Variants in COL26A1 observed in about 807,000 individuals in gnomAD.
COL26A1 encodes collagen alpha-1(XXVI) chain.
A neutral mutation model predicts 59.3 loss-of-function variants in COL26A1; 41 were observed. That is an observed-to-expected ratio of 0.69 (90% CI 0.54 to 0.90). COL26A1 has a LOEUF of 0.90. COL26A1 is among the 40% of genes least tolerant of loss of function. The probability of loss-of-function intolerance (pLI) is 0.00; values close to 1 mark genes in which losing one functional copy is unlikely to be tolerated. For synonymous variants in COL26A1, 266 were observed against 256.0 expected, an observed-to-expected ratio of 1.04 and a Z score of -0.37; for missense variants, 612 against 602.3, an observed-to-expected ratio of 1.02 and a Z score of -0.17.
chr7:101,496,205 ACTC>A (rs1397351391), intron 3 of COL26A1, among the ~76,000 whole-genome samples: 1 of 152,182 alleles, frequency 6.6e-6, no homozygotes, highest in Non-Finnish European at 1.5e-5. Context: ...AGAGTGGAGA[ACTC>A]CTACTGGTCA....
intron 3 of COL26A1, among the ~76,000 whole-genome samples, chr7:101,487,066 A>G (rs2130509069): frequency 6.6e-6 from 1 of 152,240 alleles, no homozygotes; most frequent in Middle Eastern, 3.4e-3. Flanking sequence ...GCTGGTGGAG[A>G]CAGACAGGGA....
intron 5 of COL26A1, among the ~76,000 whole-genome samples, chr7:101,543,580 C>T (rs979047886): frequency 1.3e-5 from 2 of 152,114 alleles, no homozygotes; most frequent in Admixed American, 1.3e-4. Context: ...CCTTCAGGAC[C>T]TCCTGGGGCC....
intron 3 of COL26A1, among the ~76,000 whole-genome samples, chr7:101,494,819 C>T (rs1045784820): frequency 6.6e-6 from 1 of 152,204 alleles, no homozygotes; most frequent in Non-Finnish European, 1.5e-5. Flanking sequence ...GGCGCCATGG[C>T]TGGGAGCACA....
At chr7:101,431,522 G>A (rs1256737772) in intron 2 of COL26A1, among the ~76,000 whole-genome samples, 2 of 152,132 alleles carry the variant, frequency 1.3e-5, no homozygotes. Flanking sequence ...GCCTCCCAAA[G>A]TGTTGGGATT....
At chr7:101,539,290 GTGTA>G (rs766729422) in intron 4 of COL26A1, among the ~76,000 whole-genome samples, 2,614 of 130,470 alleles carry the variant, frequency 0.02, 28 homozygotes, top group Middle Eastern at 0.065. Context: ...GTGTGTGTGT[GTGTA>G]TGTGTGTGTG....
chr7:101,495,495 G>A (rs1250476892), intron 3 of COL26A1, among the ~76,000 whole-genome samples: 3 of 151,506 alleles, frequency 2.0e-5, no homozygotes, highest in Admixed American at 6.6e-5. Context: ...TGCAAGCTCC[G>A]CCTCCCAGGT....
chr7:101,440,238 C>T (rs1399341625), intron 2 of COL26A1, among the ~76,000 whole-genome samples: 2 of 151,906 alleles, frequency 1.3e-5, no homozygotes, highest in South Asian at 2.1e-4. Flanking sequence ...TGGTGGTGTG[C>T]GCCTGTAATC....
At chr7:101,367,924 T>C (rs540084275) in intron 1 of COL26A1, among the ~76,000 whole-genome samples, 1 of 152,336 alleles carries the variant, frequency 6.6e-6, no homozygotes, top group African/African-American at 2.4e-5. Flanking sequence ...GATGTGGCTT[T>C]ATTCTGGAAA....
At chr7:101,520,015 C>T (rs1417163527) in intron 3 of COL26A1, among the ~76,000 whole-genome samples, 1 of 152,158 alleles carries the variant, frequency 6.6e-6, no homozygotes, top group Non-Finnish European at 1.5e-5. Context: ...CCTCAGTTTT[C>T]CTCCACAATA....
intron 4 of COL26A1, among the ~76,000 whole-genome samples, chr7:101,533,617 C>A (rs6972296): frequency 6.6e-6 from 1 of 152,056 alleles, no homozygotes; most frequent in Admixed American, 6.5e-5. Context: ...AAGGAATCCA[C>A]AAAGGACAAG....
At chr7:101,392,650 C>T (rs563262919) in intron 1 of COL26A1, among the ~76,000 whole-genome samples, 3 of 152,238 alleles carry the variant, frequency 2.0e-5, no homozygotes, top group Non-Finnish European at 2.9e-5. Context: ...GATCCACCCG[C>T]CTCAGCCTCC....
At chr7:101,398,779 G>A (rs576418387) in intron 1 of COL26A1, among the ~76,000 whole-genome samples, 115 of 152,238 alleles carry the variant, frequency 7.6e-4, no homozygotes, top group African/African-American at 2.6e-3. Flanking sequence ...GCAGAGGAGG[G>A]GGTCGACTTT....
intron 2 of COL26A1, among the ~76,000 whole-genome samples, chr7:101,422,077 T>C (rs558842525): frequency 1.2e-3 from 184 of 152,184 alleles, no homozygotes; most frequent in African/African-American, 4.2e-3. Context: ...TTTGGGAGGC[T>C]GAGGCAGGTG....
intron 3 of COL26A1, among the ~76,000 whole-genome samples, chr7:101,465,566 T>C (rs979956147): frequency 6.6e-6 from 1 of 151,770 alleles, no homozygotes; most frequent in Non-Finnish European, 1.5e-5. Context: ...TGGTGGTGCA[T>C]GCCTGTAGTC....
chr7:101,549,192 C>T lies in COL26A1; in HGVS notation c.962C>T (p.Pro321Leu), dbSNP rs755771940. Reference protein sequence around the residue: ...GPPGPPGPRGPPGPPGTPGSQ... With the variant: ...GPPGPPGPRGLPGPPGTPGSQ... ...ACAGGTCCCCCTGGGCCTCGAGGTC[C>T]CCCAGGACCCCCAGGAACACCTGGA... The change falls in exon 9 of 13, where the codon CCC (proline) becomes CTC (leucine). Residue 321 changes from proline (P) to leucine (L), a missense_variant. By Grantham distance (98) the Pro-to-Leu change is moderately conservative. Transcript: ENST00000313669. 1 of 1,604,644 alleles carries T rather than the reference C, an allele frequency of 6.2e-7. No individual in the cohort carries two copies. The highest frequency in any genetic ancestry group is 8.5e-7 in the Non-Finnish European group (1 of 1,175,474).
chr7:101,551,072 C>A, intron 9 of COL26A1, 36 bp from the exon 10 acceptor site: 1 of 1,551,494 alleles, frequency 6.4e-7, no homozygotes, highest in East Asian at 2.4e-5. Flanking sequence ...TGGCCAGGAC[C>A]GGCAGGCCTC....
At chr7:101,464,767 GCCC>G (rs1793715657) in intron 3 of COL26A1, among the ~76,000 whole-genome samples, 1 of 151,930 alleles carries the variant, frequency 6.6e-6, no homozygotes, top group Admixed American at 6.6e-5. Context: ...TTGCTCGGTT[GCCC>G]AGATGATCAT....
chr7:101,437,921 C>T (rs1207161923), intron 2 of COL26A1, among the ~76,000 whole-genome samples: 1 of 151,918 alleles, frequency 6.6e-6, no homozygotes, highest in East Asian at 1.9e-4. Context: ...CTATGTTGCT[C>T]AGGTTGGTCT....
At position 101,400,351 on chromosome 7, in the gene COL26A1, C is replaced by CTTTTTTTTTTTTTTTTTTTTTTTT. The variant is rs1387032420; in HGVS notation, c.159-19625_159-19624insTTTTTTTTTTTTTTTTTTTTTTTT. 2.4e-5 allele frequency among the ~76,000 whole-genome samples: 3 copies of CTTTTTTTTTTTTTTTTTTTTTTTT among 123,352 alleles called. 1 individual carries two copies. 80.9% of individuals were successfully genotyped at this position (123,352 alleles called of 152,430 possible). On this transcript the variant is annotated intron_variant, in intron 1 of 12. Coordinates refer to ENST00000313669, the MANE Select transcript of COL26A1 (RefSeq NM_001278563.3). ...GTCCACACTGCCTTTCTTTTTTTTC[C>CTTTTTTTTTTTTTTTTTTTTTTTT]TATTTTTTTTTTTTTTTTTTTTTTT...
Sources: allele counts gnomAD v4.1 joint callset (sites outside exome capture counted in the v4.1 genomes callset), GRCh38; gene constraint gnomAD v4.1.1; transcripts MANE v1.5; gene names NCBI Gene and HGNC (gene_info 2026-07-23, HGNC 2026-07-21).